TAF5: variants seen among roughly 807,000 people sequenced by gnomAD.
TAF5 encodes TATA-box binding protein associated factor 5.
Under a neutral mutation model 80.9 loss-of-function variants are expected in TAF5, and 20 were observed. The ratio of observed to expected loss-of-function variants is 0.25; its 90% CI spans 0.17 to 0.36. The LOEUF is 0.36. Ranked by LOEUF, TAF5 falls within the 10% of genes least tolerant of loss-of-function variation. The pLI is 1.00. For synonymous variants in TAF5, 388 were observed against 406.4 expected (o/e 0.95, Z 0.55); for missense variants, 863 against 1,029.4 (o/e 0.84, Z 2.21).
At chr10:103,382,278 C>T (rs909930827) in intron 6 of TAF5, among the ~76,000 whole-genome samples, 10 of 152,080 alleles carry the variant, frequency 6.6e-5, no homozygotes, top group African/African-American at 2.2e-4. Context: ...AGTGCAATGG[C>T]GCAGTCTTGG....
chr10:103,372,791 G>T (rs529683140), intron 1 of TAF5, among the ~76,000 whole-genome samples: 2 of 151,740 alleles, frequency 1.3e-5, no homozygotes, highest in African/African-American at 4.8e-5. Context: ...AGCTACTTAG[G>T]AGGCTGAGGC....
Position 103,378,419 on chromosome 10 carries a change from C to A in TAF5, c.982C>A (p.Gln328Lys). The A allele has an allele frequency of 6.2e-7, 1 of 1,614,106 alleles. No individual in the cohort carries two copies. The highest frequency in any genetic ancestry group is 8.5e-7 in the Non-Finnish European group (1 of 1,180,040). ...KRHLQEKQNN[Q>K]IWNIVQEHLY... Reference sequence around the variant, plus strand: ...GCATCTTCAGGAGAAACAGAACAATCAGATATGGAACATAGTTCAGGAGCA... The same window carrying A: ...GCATCTTCAGGAGAAACAGAACAATAAGATATGGAACATAGTTCAGGAGCA... Residue 328 changes from glutamine (Q) to lysine (K), a missense_variant, in exon 3 of 11, where the codon CAG (glutamine) becomes AAG (lysine). Gln to Lys is a moderately conservative substitution (Grantham distance 53, BLOSUM62 1). Around this residue, in one of 3 missense-constraint regions of TAF5, gnomAD observed 128 missense variants for 232.2 expected, o/e 0.55. Coordinates refer to ENST00000369839, the MANE Select transcript of TAF5 (RefSeq NM_006951.5). The surrounding 1 kb of genome is among the most constrained non-coding windows in gnomAD (Gnocchi z 4.1).
At position 103,387,160 on chromosome 10, in the gene TAF5, A is replaced by G; in HGVS notation, c.1830-15A>G. ...TACTAATTGTCATCTTTTGCTTTCA[A>G]TAACTTTATAAAAGGCTCTGGGCTA... On this transcript the variant is annotated splice_polypyrimidine_tract_variant and intron_variant, in intron 8 of 10. Coordinates refer to ENST00000369839, the MANE Select transcript of TAF5 (RefSeq NM_006951.5). 6.3e-7 allele frequency: 1 copy of G among 1,597,074 alleles called. No homozygotes were observed. The highest frequency in any genetic ancestry group is 1.3e-5 in the African/African-American group (1 of 74,222).
Position 103,387,208 on chromosome 10 carries a change from A to G in TAF5, c.1863A>G (p.Arg621=). ...CTACAGACCACTATCAGCCTTTAAGAATATTTGCCGGCCATCTTGCTGATG... is the reference window on the plus strand; with the variant it reads ...CTACAGACCACTATCAGCCTTTAAGGATATTTGCCGGCCATCTTGCTGATG... ...LWATDHYQPL[R]IFAGHLADVN... is the part of the protein sequence containing the mutation. The change falls in exon 9 of 11, where the codon AGA becomes AGG. Residue 621 remains arginine, a synonymous_variant. Transcript: ENST00000369839. The G allele has an allele frequency of 6.2e-7, 1 of 1,614,110 alleles. No individual in the cohort carries two copies. Among genetic ancestry groups the G allele is most frequent in the Non-Finnish European group, 8.5e-7 (1 of 1,180,016 alleles).
intron 1 of TAF5, among the ~76,000 whole-genome samples, chr10:103,369,598 C>T (rs1180431691): frequency 1.3e-5 from 2 of 151,268 alleles, no homozygotes; most frequent in African/African-American, 4.9e-5. Context: ...TTCCTGACCT[C>T]GTGATGCACC....
chr10:103,370,325 C>CTTTT (rs758002426), intron 1 of TAF5, among the ~76,000 whole-genome samples: 15 of 88,940 alleles, frequency 1.7e-4, no homozygotes, highest in East Asian at 3.4e-4. Context: ...GGTTATGAGG[C>CTTTT]TTTTTTTTTT....
At chr10:103,387,873 G>A (rs1174115892) in intron 10 of TAF5, 133 bp from the exon 11 acceptor site, 1 of 1,085,122 alleles carries the variant, frequency 9.2e-7, no homozygotes, top group Non-Finnish European at 1.3e-6. Context: ...ATGCTCCTTA[G>A]GAAGGAATAG....
At position 103,378,154 on chromosome 10, in the gene TAF5, G is replaced by A; in HGVS notation, c.798-81G>A. 4 of 1,220,540 alleles carry A rather than the reference G, an allele frequency of 3.3e-6. No homozygotes were observed. The highest frequency in any genetic ancestry group is 4.6e-6 in the Non-Finnish European group (4 of 866,898). 75.6% of individuals were successfully genotyped at this position (1,220,540 alleles called of 1,614,324 possible). A position where few individuals can be genotyped will look rare whatever the true frequency, so the allele number is the denominator to read the frequency against. ...GACTACTACATTGAAAATATTCTGG[G>A]ATGGTTTATAAGTATATGGGGGAAA... On this transcript the variant is annotated intron_variant, in intron 2 of 10. Coordinates refer to ENST00000369839, the MANE Select transcript of TAF5 (RefSeq NM_006951.5). This position sits in a 1 kb window ranked among gnomAD's most constrained non-coding sequence, Gnocchi z 4.1.
Position 103,378,678 on chromosome 10 carries a change from A to T in TAF5, c.1113+128A>T. 1 of 1,153,228 alleles carries T rather than the reference A, an allele frequency of 8.7e-7. No homozygotes were observed. Among genetic ancestry groups the T allele is most frequent in the South Asian group, 1.6e-5 (1 of 62,204 alleles). The allele number at this position is 1,153,228 out of a possible 1,614,324, so 71.4% of individuals were successfully genotyped here. A position where few individuals can be genotyped will look rare whatever the true frequency, so the allele number is the denominator to read the frequency against. On this transcript the variant is annotated intron_variant, in intron 3 of 10. Coordinates refer to ENST00000369839, the MANE Select transcript of TAF5 (RefSeq NM_006951.5). This position sits in a 1 kb window ranked among gnomAD's most constrained non-coding sequence, Gnocchi z 4.1. ...ATTTTTTTCGTTTGTTTGTTTTGAG[A>T]CGGAGTTTTGCTCTTGTCACCCAAG... is the stretch of plus-strand genomic sequence containing the variant.
Position 103,373,742 on chromosome 10 carries a change from C to T in TAF5, c.797+147C>T, listed in dbSNP as rs528804136. 9 of 636,154 alleles carry T rather than the reference C, an allele frequency of 1.4e-5. No individual in the cohort carries two copies. The South Asian group carries it at 2.0e-4, about 14-fold the overall frequency. 39.4% of individuals were successfully genotyped at this position (636,154 alleles called of 1,614,324 possible). A position where few individuals can be genotyped will look rare whatever the true frequency, so the allele number is the denominator to read the frequency against. ...GGAGAGGTACCTGAGGCTATGAGAACTTAAAATGTGGGGTTTGATCTAGCT... is the reference window on the plus strand; with the variant it reads ...GGAGAGGTACCTGAGGCTATGAGAATTTAAAATGTGGGGTTTGATCTAGCT... On this transcript the variant is annotated intron_variant, in intron 2 of 10. Transcript: ENST00000369839.
intron 7 of TAF5, among the ~76,000 whole-genome samples, chr10:103,383,819 CT>C (rs1407765007): frequency 6.6e-6 from 1 of 152,118 alleles, no homozygotes; most frequent in Admixed American, 6.6e-5. Flanking sequence ...CTCAGGTGAT[CT>C]GCCCACCTCA....
At position 103,378,732 on chromosome 10, in the gene TAF5, A is replaced by G. The variant is rs2093375315; in HGVS notation, c.1113+182A>G. Among the ~76,000 whole-genome samples, 1 of 152,090 alleles carries G rather than the reference A, an allele frequency of 6.6e-6. No individual in the cohort carries two copies. The highest frequency in any genetic ancestry group is 1.5e-5 in the Non-Finnish European group (1 of 68,012). ...GAGTGCAGTGGCGTGATCTCAGCTC[A>G]CTGCAACCTCCACCTCCTGGGTTCA... On this transcript the variant is annotated intron_variant, in intron 3 of 10. Coordinates refer to ENST00000369839, the MANE Select transcript of TAF5 (RefSeq NM_006951.5). This position sits in a 1 kb window ranked among gnomAD's most constrained non-coding sequence, Gnocchi z 4.1.
chr10:103,386,663 C>CT (rs2093397023), intron 8 of TAF5, among the ~76,000 whole-genome samples: 1 of 128,916 alleles, frequency 7.8e-6, no homozygotes, highest in African/African-American at 2.6e-5. Flanking sequence ...AAGACCTCAG[C>CT]ATTTTTTTTT....
At chr10:103,372,679 T>C (rs1564743475) in intron 1 of TAF5, among the ~76,000 whole-genome samples, 1 of 150,460 alleles carries the variant, frequency 6.6e-6, no homozygotes, top group Non-Finnish European at 1.5e-5. Context: ...GTGGATCACT[T>C]GTGGTCAGGA....
chr10:103,377,388 A>C (rs1320066592), intron 2 of TAF5, among the ~76,000 whole-genome samples: 5 of 152,252 alleles, frequency 3.3e-5, no homozygotes, highest in Non-Finnish European at 7.3e-5. Flanking sequence ...CATAGTTAAC[A>C]GTTTAGAAAT....
Position 103,378,089 on chromosome 10 carries a change from G to T in TAF5, c.798-146G>T, listed in dbSNP as rs967770595. The T allele has an allele frequency of 4.9e-6, 3 of 613,334 alleles. No homozygotes were observed. The highest frequency in any genetic ancestry group is 5.5e-6 in the Non-Finnish European group (2 of 365,198). The allele number at this position is 613,334 out of a possible 1,614,324, so 38.0% of individuals were successfully genotyped here. A position where few individuals can be genotyped will look rare whatever the true frequency, so the allele number is the denominator to read the frequency against. The stretch of plus-strand genomic sequence containing the variant: ...AACTGAATTATAGTCATTTTGAAAT[G>T]AGTTACTTCTTATCCTACAGCTTAG... On this transcript the variant is annotated intron_variant, in intron 2 of 10. Coordinates refer to ENST00000369839, the MANE Select transcript of TAF5 (RefSeq NM_006951.5). This position sits in a 1 kb window ranked among gnomAD's most constrained non-coding sequence, Gnocchi z 4.1.
intron 7 of TAF5, among the ~76,000 whole-genome samples, chr10:103,384,263 T>C (rs1430349771): frequency 2.0e-5 from 3 of 152,240 alleles, no homozygotes; most frequent in Non-Finnish European, 4.4e-5. Context: ...CTATTTTTCA[T>C]GATCTCTAAC....
rs2093393685 is a variant in TAF5, at chr10:103,385,455, T to A, written c.1794T>A (p.Tyr598Ter). 6.2e-7 allele frequency: 1 copy of A among 1,613,914 alleles called. No individual in the cohort carries two copies. The highest frequency in any genetic ancestry group is 8.5e-7 in the Non-Finnish European group (1 of 1,180,022). ...VWDTQFSPYG[Y>*]YFVSGGHDRV... ...ACACACAATTTTCTCCATATGGATA[T>A]TATTTTGTGTCAGGGGGCCATGACC... The change falls in exon 8 of 11, where the codon TAT (tyrosine) becomes TAA (stop). Residue 598 changes from tyrosine to a stop codon, truncating the protein, a stop_gained. Transcript: ENST00000369839. LOFTEE classifies it high-confidence loss of function.
chr10:103,378,654 T>A lies in TAF5; in HGVS notation c.1113+104T>A. The A allele has an allele frequency of 7.5e-7, 1 of 1,326,088 alleles. No individual in the cohort carries two copies. The highest frequency in any genetic ancestry group is 1.0e-6 in the Non-Finnish European group (1 of 986,470). 82.1% of individuals were successfully genotyped at this position (1,326,088 alleles called of 1,614,324 possible). On this transcript the variant is annotated intron_variant, in intron 3 of 10. Transcript: ENST00000369839. The surrounding 1 kb of genome is among the most constrained non-coding windows in gnomAD (Gnocchi z 4.1). ...TTTCTTATAGCTAGCTTGGAAACAA[T>A]TTTTTTCGTTTGTTTGTTTTGAGAC...
Sources: allele counts gnomAD v4.1 joint callset (sites outside exome capture counted in the v4.1 genomes callset), GRCh38; gene constraint gnomAD v4.1.1; regional missense constraint gnomAD v4.1.1; non-coding constraint Gnocchi (gnomAD v3.1); transcripts MANE v1.5; gene names NCBI Gene and HGNC (gene_info 2026-07-23, HGNC 2026-07-21).